DACH1: variants seen among roughly 807,000 people sequenced by gnomAD.
The protein encoded by DACH1 is dachshund family transcription factor 1.
A neutral mutation model predicts 54.2 loss-of-function variants in DACH1; 12 were observed. The ratio of observed to expected loss-of-function variants is 0.22; its 90% CI spans 0.14 to 0.36. DACH1 has a LOEUF of 0.36. Ranked by LOEUF, DACH1 falls within the 10% of genes least tolerant of loss-of-function variation. DACH1 has a pLI of 1.00. For missense variants in DACH1, 805 were observed against 929.8 expected, an observed-to-expected ratio of 0.87 and a Z score of 1.75; for synonymous variants, 386 against 366.2, an observed-to-expected ratio of 1.05 and a Z score of -0.62.
chr13:71,783,834 T>C (rs904951607), intron 1 of DACH1, among the ~76,000 whole-genome samples: 1 of 151,234 alleles, frequency 6.6e-6, no homozygotes, highest in African/African-American at 2.4e-5. Context: ...TTAGGTTTGA[T>C]TTAAGGTTTT....
intron 1 of DACH1, among the ~76,000 whole-genome samples, chr13:71,817,144 A>G (rs555713434): frequency 1.3e-5 from 2 of 152,346 alleles, no homozygotes; most frequent in East Asian, 3.9e-4. Context: ...ATTAAAAATA[A>G]GACATATAAA....
chr13:71,780,018 G>A (rs889854645), intron 1 of DACH1, among the ~76,000 whole-genome samples: 3 of 152,068 alleles, frequency 2.0e-5, no homozygotes, highest in Non-Finnish European at 4.4e-5. Flanking sequence ...ATGAATGAAT[G>A]AATGAATGAA....
chr13:71,534,230 T>G lies in DACH1; in HGVS notation c.1570+22794A>C, dbSNP rs565959332. ...TATTTTTTATGTTGATTTACATTTT[T>G]ATTATTGTTTACTTTCTTGATAGAC... On this transcript the variant is annotated intron_variant, in intron 6 of 10. Coordinates refer to ENST00000613252, the MANE Select transcript of DACH1 (RefSeq NM_080759.6). Among the ~76,000 whole-genome samples the G allele has an allele frequency of 2.6e-5, 4 of 152,222 alleles. No individual in the cohort carries two copies. In the South Asian group the frequency reaches 8.3e-4, roughly 32 times the overall value.
chr13:71,689,218 G>A (rs1881347747), intron 1 of DACH1, among the ~76,000 whole-genome samples: 1 of 152,114 alleles, frequency 6.6e-6, no homozygotes, highest in Admixed American at 6.6e-5. Flanking sequence ...CAAAAGTTAG[G>A]AAAACAGCAA....
chr13:71,629,745 T>C (rs988814736), intron 3 of DACH1, among the ~76,000 whole-genome samples: 4 of 152,168 alleles, frequency 2.6e-5, no homozygotes, highest in Non-Finnish European at 4.4e-5. Context: ...ATACATCTTG[T>C]AGTATCCAAA....
chr13:71,835,378 T>C (rs1036303349), intron 1 of DACH1, among the ~76,000 whole-genome samples: 43 of 152,236 alleles, frequency 2.8e-4, no homozygotes, highest in Non-Finnish European at 5.1e-4. Context: ...CAATCAATTT[T>C]GCAATCACTG....
chr13:71,844,448 C>G (rs1873088258), intron 1 of DACH1, among the ~76,000 whole-genome samples: 1 of 152,134 alleles, frequency 6.6e-6, no homozygotes, highest in Non-Finnish European at 1.5e-5. Context: ...TGATGTAATT[C>G]AACAAACCAC....
chr13:71,744,810 A>G (rs1884539597), intron 1 of DACH1, among the ~76,000 whole-genome samples: 1 of 152,214 alleles, frequency 6.6e-6, no homozygotes, highest in African/African-American at 2.4e-5. Context: ...GAAACATCAT[A>G]GGTTAAAAGT....
intron 1 of DACH1, among the ~76,000 whole-genome samples, chr13:71,863,914 A>G (rs932315149): frequency 1.3e-5 from 2 of 151,468 alleles, no homozygotes; most frequent in African/African-American, 4.9e-5. Flanking sequence ...GCAATTCACC[A>G]ATTTACTGGA....
At chr13:71,699,707 C>G (rs540134800) in intron 1 of DACH1, among the ~76,000 whole-genome samples, 1 of 152,160 alleles carries the variant, frequency 6.6e-6, no homozygotes, top group Non-Finnish European at 1.5e-5. Context: ...TGTTTTCAGT[C>G]TTCACACAAA....
At chr13:71,552,979 C>T (rs1430147772) in intron 6 of DACH1, among the ~76,000 whole-genome samples, 2 of 146,958 alleles carry the variant, frequency 1.4e-5, no homozygotes, top group African/African-American at 5.0e-5. Context: ...ATCAGGAGTT[C>T]GAGACCAGCC....
intron 1 of DACH1, among the ~76,000 whole-genome samples, chr13:71,848,704 A>G (rs1344942562): frequency 1.3e-5 from 2 of 151,994 alleles, no homozygotes; most frequent in African/African-American, 4.8e-5. Context: ...ATTTTTTTGT[A>G]CAGATGGGGG....
chr13:71,737,715 A>G (rs1884202193), intron 1 of DACH1, among the ~76,000 whole-genome samples: 1 of 152,202 alleles, frequency 6.6e-6, no homozygotes, highest in Non-Finnish European at 1.5e-5. Context: ...TAGAAGATTC[A>G]TTTGTCCTAA....
chr13:71,742,106 G>T (rs1029225195), intron 1 of DACH1, among the ~76,000 whole-genome samples: 1 of 152,160 alleles, frequency 6.6e-6, no homozygotes, highest in African/African-American at 2.4e-5. Flanking sequence ...TTTATCAGGG[G>T]TTTCCGCTTT....
At chr13:71,562,168 G>A (rs751166484) in intron 4 of DACH1, among the ~76,000 whole-genome samples, 11 of 152,042 alleles carry the variant, frequency 7.2e-5, no homozygotes, top group Non-Finnish European at 1.6e-4. Context: ...CCCACAGAAG[G>A]CAGACGTATT....
intron 1 of DACH1, among the ~76,000 whole-genome samples, chr13:71,767,499 G>A (rs993090394): frequency 1.3e-5 from 2 of 152,052 alleles, no homozygotes; most frequent in African/African-American, 4.8e-5. Flanking sequence ...TTCTATGACA[G>A]AGATCAAGCT....
chr13:71,642,096 A>G (rs549027439), intron 2 of DACH1, among the ~76,000 whole-genome samples: 3 of 152,316 alleles, frequency 2.0e-5, no homozygotes, highest in Admixed American at 1.3e-4. Context: ...TGTAAGTCAT[A>G]GCAAATCTTC....
At chr13:71,684,839 A>G (rs1292890958) in intron 1 of DACH1, among the ~76,000 whole-genome samples, 1 of 152,146 alleles carries the variant, frequency 6.6e-6, no homozygotes, top group Non-Finnish European at 1.5e-5. Context: ...CTTCAAGTAT[A>G]CTACCTTATC....
intron 1 of DACH1, among the ~76,000 whole-genome samples, chr13:71,768,409 T>C (rs147377510): frequency 6.6e-6 from 1 of 152,012 alleles, no homozygotes; most frequent in Non-Finnish European, 1.5e-5. Context: ...GCTTTATTCT[T>C]ACAGATTGCC....
Sources: gnomAD v4.1 joint callset for allele counts (sites outside exome capture counted in the v4.1 genomes callset) on GRCh38, gnomAD v4.1.1 for gene constraint, MANE v1.5 for transcripts, NCBI Gene and HGNC (gene_info 2026-07-23, HGNC 2026-07-21) for gene names.